Variants in HACL1 observed in about 807,000 individuals in gnomAD.
HACL1 encodes 2-hydroxyacyl-CoA lyase 1.
A neutral mutation model predicts 74.2 loss-of-function variants in HACL1; 64 were observed. The ratio of observed to expected loss-of-function variants is 0.86; its 90% confidence interval spans 0.70 to 1.06. The LOEUF is 1.06. Ranked by LOEUF, HACL1 falls within the 50% of genes least tolerant of loss-of-function variation. The probability of loss-of-function intolerance (pLI) is 0.00; values close to 1 mark genes in which losing one functional copy is unlikely to be tolerated. For missense variants in HACL1, 728 were observed against 719.7 expected (o/e 1.01, Z -0.13); for synonymous variants, 230 against 238.8 (o/e 0.96, Z 0.34).
chr3:15,570,607 C>T (rs530702190), intron 12 of HACL1, among the ~76,000 whole-genome samples: 1 of 149,490 alleles, frequency 6.7e-6, no homozygotes, highest in South Asian at 2.2e-4. Context: ...ACCTTTCTCA[C>T]ATAGGGAAAG....
At chr3:15,599,640 G>C (rs1410228075) in intron 2 of HACL1, among the ~76,000 whole-genome samples, 1 of 152,124 alleles carries the variant, frequency 6.6e-6, no homozygotes, top group Admixed American at 6.5e-5. Context: ...TACCTCTACA[G>C]GCAATCTTCT....
At chr3:15,581,791 T>C (rs1289401688) in intron 8 of HACL1, among the ~76,000 whole-genome samples, 6 of 152,196 alleles carry the variant, frequency 3.9e-5, no homozygotes, top group African/African-American at 1.4e-4. Flanking sequence ...CCCCAATAGG[T>C]AGGAACCACT....
At chr3:15,597,520 T>C (rs917976785) in intron 2 of HACL1, among the ~76,000 whole-genome samples, 1 of 147,284 alleles carries the variant, frequency 6.8e-6, no homozygotes, top group African/African-American at 2.7e-5. Flanking sequence ...CAGTATTATT[T>C]CTTCTCATTT....
chr3:15,570,512 C>T (rs962673525), intron 12 of HACL1, among the ~76,000 whole-genome samples: 5 of 151,172 alleles, frequency 3.3e-5, no homozygotes, highest in African/African-American at 9.7e-5. Flanking sequence ...GTAAGAAACA[C>T]TGGTGGAATC....
At chr3:15,573,666 CAG>C (rs2063574628) in intron 10 of HACL1, among the ~76,000 whole-genome samples, 1 of 152,182 alleles carries the variant, frequency 6.6e-6, no homozygotes, top group Non-Finnish European at 1.5e-5. Context: ...GAGTCTACCT[CAG>C]AGTTTTTTAT....
rs533115872 is a variant in HACL1 at position 15,601,501 on chromosome 3, A to C, written c.-38T>G. On this transcript the variant is annotated 5_prime_UTR_variant, in exon 1 of 17. Coordinates refer to ENST00000321169, the MANE Select transcript of HACL1 (RefSeq NM_012260.4). The stretch of plus-strand genomic sequence containing the variant: ...AGCTCTAAGCACTCACGCAGCCGGC[A>C]AACAAGCGGAATCATCCAGCAAGGC... 1.2e-6 allele frequency: 2 copies of C among 1,610,152 alleles called. No individual in the cohort carries two copies. The highest frequency in any genetic ancestry group is 1.1e-5 in the South Asian group (1 of 91,082).
chr3:15,586,647 G>C lies in HACL1; in HGVS notation c.382-45C>G, dbSNP rs1391890482. The C allele has an allele frequency of 2.8e-6, 3 of 1,055,282 alleles. No individual in the cohort carries two copies. The Admixed American group carries it at 5.6e-5, about 20-fold the overall frequency. The allele number at this position is 1,055,282 out of a possible 1,614,324, so 65.4% of individuals were successfully genotyped here. A position where few individuals can be genotyped will look rare whatever the true frequency, so the allele number is the denominator to read the frequency against. On this transcript the variant is annotated intron_variant, in intron 5 of 16. Transcript: ENST00000321169. Reference sequence around the variant, plus strand: ...CACTTAAAATTCAGCTCACAATCATGTTACTCTCCTGAAAGAAGACAAAAT... The same window carrying C: ...CACTTAAAATTCAGCTCACAATCATCTTACTCTCCTGAAAGAAGACAAAAT...
At chr3:15,579,152 G>A (rs1273123435) in intron 9 of HACL1, among the ~76,000 whole-genome samples, 1 of 152,148 alleles carries the variant, frequency 6.6e-6, no homozygotes, top group Non-Finnish European at 1.5e-5. Flanking sequence ...ACATTCTACA[G>A]AGGATTTTAA....
chr3:15,584,161 T>C (rs564462710), intron 7 of HACL1, among the ~76,000 whole-genome samples: 10 of 152,278 alleles, frequency 6.6e-5, no homozygotes, highest in Non-Finnish European at 1.5e-4. Flanking sequence ...GGACAATCTG[T>C]ATAAAATTTA....
At chr3:15,587,994 A>G (rs2063823121) in intron 5 of HACL1, among the ~76,000 whole-genome samples, 3 of 152,102 alleles carry the variant, frequency 2.0e-5, no homozygotes, top group African/African-American at 7.2e-5. Context: ...CCTGGGTTCA[A>G]GTGATTCTCC....
chr3:15,563,771 C>G (rs563217410), intron 15 of HACL1, among the ~76,000 whole-genome samples: 1 of 152,232 alleles, frequency 6.6e-6, no homozygotes, highest in Non-Finnish European at 1.5e-5. Flanking sequence ...TGTTTTAAAC[C>G]TGTGCCATCC....
At position 15,601,544 on chromosome 3, in the gene HACL1, C is replaced by T. The variant is rs1006795587; in HGVS notation, c.-81G>A. ...AGCAAGGCAAACGCGAAATCGGCAG[C>T]ACGCCACCTCTGGTACTGCACCTCT... On this transcript the variant is annotated 5_prime_UTR_variant, in exon 1 of 17. Transcript: ENST00000321169. 1 of 1,605,134 alleles carries T rather than the reference C, an allele frequency of 6.2e-7. No homozygotes were observed. The highest frequency in any genetic ancestry group is 1.1e-5 in the South Asian group (1 of 90,966).
intron 6 of HACL1, among the ~76,000 whole-genome samples, chr3:15,586,058 T>C (rs1385861515): frequency 1.3e-5 from 2 of 152,212 alleles, no homozygotes; most frequent in African/African-American, 2.4e-5. Context: ...ATTATATATA[T>C]GCAAATATTC....
intron 4 of HACL1, among the ~76,000 whole-genome samples, 164 bp from the exon 5 acceptor site, chr3:15,589,776 T>C (rs1035347578): frequency 1.4e-4 from 21 of 152,176 alleles, no homozygotes; most frequent in African/African-American, 5.1e-4. Flanking sequence ...GGCTCACCCC[T>C]TGTAATCCAG....
At position 15,601,543 on chromosome 3, in the gene HACL1, G is replaced by C. The variant is rs1445869278; in HGVS notation, c.-80C>G. 1.2e-6 allele frequency: 2 copies of C among 1,605,254 alleles called. No homozygotes were observed. Among genetic ancestry groups the C allele is most frequent in the Non-Finnish European group, 1.7e-6 (2 of 1,179,638 alleles). On this transcript the variant is annotated 5_prime_UTR_variant, in exon 1 of 17. Transcript: ENST00000321169. Reference sequence around the variant, plus strand: ...CAGCAAGGCAAACGCGAAATCGGCAGCACGCCACCTCTGGTACTGCACCTC... The same window carrying C: ...CAGCAAGGCAAACGCGAAATCGGCACCACGCCACCTCTGGTACTGCACCTC...
At position 15,563,503 on chromosome 3, in the gene HACL1, T is replaced by C. The variant is rs1224635389; in HGVS notation, c.1559A>G (p.Gln520Arg). 3.1e-6 allele frequency: 5 copies of C among 1,612,292 alleles called. No homozygotes were observed. The highest frequency in any genetic ancestry group is 4.2e-6 in the Non-Finnish European group (5 of 1,178,586). Reference sequence around the variant, plus strand: ...TTTGCCTCCAAATGCAGTCATGACTTGCTCATAATGTGAATTTGGCAGCAA... The same window carrying C: ...TTTGCCTCCAAATGCAGTCATGACTCGCTCATAATGTGAATTTGGCAGCAA... ...MCLLPNSHYE[Q>R]VMTAFGGKGY... The change falls in exon 16 of 17, where the codon CAA becomes CGA. Residue 520 changes from glutamine (Q) to arginine (R), a missense_variant. Coordinates refer to ENST00000321169, the MANE Select transcript of HACL1 (RefSeq NM_012260.4).
Sources: gnomAD v4.1 joint callset for allele counts (sites outside exome capture counted in the v4.1 genomes callset) on GRCh38, gnomAD v4.1.1 for gene constraint, MANE v1.5 for transcripts, NCBI Gene and HGNC (gene_info 2026-07-23, HGNC 2026-07-21) for gene names.